Variants in GPC5 observed in about 807,000 individuals in gnomAD.
GPC5 encodes glypican-5.
GPC5 carries 47 observed loss-of-function variants against 53.9 expected under a neutral mutation model. That is an observed-to-expected ratio of 0.87 (90% CI 0.69 to 1.11). The LOEUF (loss-of-function observed/expected upper bound fraction) is 1.11, where lower values mean the gene tolerates loss of function less well. Among genes scored for constraint, GPC5 ranks in the 50% most tolerant of loss-of-function variants. GPC5 has a pLI of 0.00. For synonymous variants in GPC5, 286 were observed against 263.3 expected (o/e 1.09, Z -0.84); for missense variants, 748 against 713.1 (o/e 1.05, Z -0.56).
intron 2 of GPC5, among the ~76,000 whole-genome samples, chr13:91,665,505 C>CTTTTTTTTTTTTTTT (rs371605806): frequency 1.1e-4 from 16 of 146,168 alleles, no homozygotes; most frequent in East Asian, 6.1e-4. Context: ...AAAAGCCAGT[C>CTTTTTTTTTTTTTTT]TTTTTTTTTT....
intron 7 of GPC5, among the ~76,000 whole-genome samples, chr13:92,461,802 T>G (rs937372747): frequency 2.0e-5 from 3 of 152,212 alleles, no homozygotes; most frequent in Non-Finnish European, 4.4e-5. Flanking sequence ...GATCTTCAAC[T>G]TCTCAGCCTC....
intron 6 of GPC5, among the ~76,000 whole-genome samples, chr13:92,070,884 T>G (rs1215835879): frequency 6.6e-6 from 1 of 152,234 alleles, no homozygotes; most frequent in Non-Finnish European, 1.5e-5. Context: ...AAATTTTGTC[T>G]GGTTTGCATA....
chr13:92,244,946 G>T (rs1168697019), intron 7 of GPC5, among the ~76,000 whole-genome samples: 1 of 151,342 alleles, frequency 6.6e-6, no homozygotes. Context: ...GCTGAGGCAG[G>T]AGAACTGCTT....
At chr13:92,586,449 A>C (rs1369079980) in intron 7 of GPC5, among the ~76,000 whole-genome samples, 1 of 152,212 alleles carries the variant, frequency 6.6e-6, no homozygotes, top group Non-Finnish European at 1.5e-5. Flanking sequence ...AGGTAATGAA[A>C]AGCCTGGAAG....
chr13:91,829,085 A>C (rs2038617648), intron 5 of GPC5, among the ~76,000 whole-genome samples: 1 of 152,080 alleles, frequency 6.6e-6, no homozygotes, highest in Admixed American at 6.6e-5. Flanking sequence ...AAATTATTAA[A>C]GTTATTATCA....
intron 7 of GPC5, among the ~76,000 whole-genome samples, chr13:92,454,203 T>A (rs763185205): frequency 1.6e-5 from 2 of 125,358 alleles, no homozygotes; most frequent in Non-Finnish European, 3.9e-5. Context: ...GTGATGAGTT[T>A]GTTTGTTTTT....
chr13:91,554,994 A>G (rs57746606), intron 2 of GPC5, among the ~76,000 whole-genome samples: 6,901 of 152,184 alleles, frequency 0.045, 507 homozygotes, highest in African/African-American at 0.16. Context: ...CATTGAGGGA[A>G]AAATGACTGA....
At chr13:91,595,960 G>A (rs1455712125) in intron 2 of GPC5, among the ~76,000 whole-genome samples, 1 of 152,150 alleles carries the variant, frequency 6.6e-6, no homozygotes, top group East Asian at 1.9e-4. Flanking sequence ...TGAAATCTAT[G>A]ACTTTAATTG....
intron 2 of GPC5, among the ~76,000 whole-genome samples, chr13:91,577,542 A>G (rs577256789): frequency 8.3e-4 from 126 of 152,206 alleles, no homozygotes; most frequent in African/African-American, 2.9e-3. Context: ...ATGCCTTCCT[A>G]TGCAGTTGGC....
chr13:92,618,752 T>C (rs1273612425), intron 7 of GPC5, among the ~76,000 whole-genome samples: 1 of 150,982 alleles, frequency 6.6e-6, no homozygotes, highest in East Asian at 1.9e-4. Flanking sequence ...ATGATTAGAT[T>C]GACCACTAAC....
At chr13:91,596,434 C>A (rs2032997167) in intron 2 of GPC5, among the ~76,000 whole-genome samples, 1 of 152,100 alleles carries the variant, frequency 6.6e-6, no homozygotes, top group Non-Finnish European at 1.5e-5. Flanking sequence ...AATGTCTTTC[C>A]TGACAATTAT....
At chr13:91,950,794 A>T (rs911559476) in intron 6 of GPC5, among the ~76,000 whole-genome samples, 1 of 152,176 alleles carries the variant, frequency 6.6e-6, no homozygotes, top group Non-Finnish European at 1.5e-5. Context: ...AACTCATTTA[A>T]TGGTAGCTAT....
At chr13:91,774,551 G>T (rs138691671) in intron 5 of GPC5, among the ~76,000 whole-genome samples, 3 of 152,114 alleles carry the variant, frequency 2.0e-5, no homozygotes, top group African/African-American at 7.2e-5. Flanking sequence ...AAATCAGTCC[G>T]TAAGGAATTA....
At chr13:91,933,332 T>A (rs1026761505) in intron 6 of GPC5, among the ~76,000 whole-genome samples, 11 of 151,966 alleles carry the variant, frequency 7.2e-5, no homozygotes, top group Non-Finnish European at 1.2e-4. Context: ...TAGTTTTTGT[T>A]CTTTGGAAAA....
chr13:91,576,928 TG>T (rs1370320116), intron 2 of GPC5, among the ~76,000 whole-genome samples: 2 of 132,622 alleles, frequency 1.5e-5, no homozygotes, highest in African/African-American at 3.0e-5. Flanking sequence ...CTGGTTCATC[TG>T]TAAAAAAAAA....
At chr13:92,421,419 G>A (rs182951018) in intron 7 of GPC5, among the ~76,000 whole-genome samples, 3 of 152,242 alleles carry the variant, frequency 2.0e-5, no homozygotes, top group East Asian at 3.9e-4. Context: ...AAGAGGTTTG[G>A]CCGGGCGCGG....
At chr13:92,607,990 G>T (rs558678987) in intron 7 of GPC5, among the ~76,000 whole-genome samples, 24 of 152,228 alleles carry the variant, frequency 1.6e-4, no homozygotes, top group African/African-American at 5.8e-4. Flanking sequence ...TCCACTTAAT[G>T]AATAGTAAAT....
intron 6 of GPC5, among the ~76,000 whole-genome samples, chr13:92,061,160 T>G (rs2041120005): frequency 6.6e-6 from 1 of 152,008 alleles, no homozygotes; most frequent in African/African-American, 2.4e-5. Context: ...TAGGGATAGG[T>G]TTTCTCTTGG....
intron 7 of GPC5, among the ~76,000 whole-genome samples, chr13:92,346,797 T>A (rs531511990): frequency 7.2e-5 from 11 of 152,066 alleles, no homozygotes; most frequent in Admixed American, 2.6e-4. Context: ...GATAAAAAAA[T>A]CAAGTAAAAT....
Sources: gnomAD v4.1 joint callset for allele counts (sites outside exome capture counted in the v4.1 genomes callset) on GRCh38, gnomAD v4.1.1 for gene constraint, MANE v1.5 for transcripts, NCBI Gene and HGNC (gene_info 2026-07-23, HGNC 2026-07-21) for gene names.